The following GRIA3 variants were observed in gnomAD, a reference collection of about 807,000 sequenced individuals.
GRIA3 encodes the protein glutamate ionotropic receptor AMPA type subunit 3, also known as glutamate receptor 3.
Under a neutral mutation model 63.0 loss-of-function variants are expected in GRIA3, and 3 were observed. The ratio of observed to expected loss-of-function variants is 0.05; its 90% CI spans 0.02 to 0.12. The LOEUF is 0.12. GRIA3 is among the 10% of genes least tolerant of loss of function. The probability of loss-of-function intolerance (pLI) is 1.00; values close to 1 mark genes in which losing one functional copy is unlikely to be tolerated. For synonymous variants in GRIA3, 274 were observed against 257.9 expected (o/e 1.06, Z -0.60); for missense variants, 347 against 700.9 (o/e 0.50, Z 5.70).
chrX:123,404,964 C>T, intron 10 of GRIA3, 50 bp downstream of exon 10: 2 of 870,538 alleles, frequency 2.3e-6, no homozygotes, highest in Non-Finnish European at 3.4e-6. Context: ...TTCCAATTAA[C>T]AAAGAAGAGA....
chrX:123,404,520 CAAAAAAA>C lies in GRIA3; in HGVS notation c.1294-176_1294-170del, dbSNP rs374514027. 3.3e-3 allele frequency among the ~76,000 whole-genome samples: 219 copies of C among 65,489 alleles called. 1 individual carries two copies. Among genetic ancestry groups the C allele is most frequent in the African/African-American group, 0.012 (212 of 18,298 alleles). 56.9% of individuals were successfully genotyped at this position (65,489 alleles called of 115,157 possible). On this transcript the variant is annotated intron_variant, in intron 9 of 15. Transcript: ENST00000620443. The stretch of plus-strand genomic sequence containing the variant: ...ATTACCAGTTAAGGACTCCCCCTAC[CAAAAAAA>C]AAAAAAAAAAAGTGACCCAATGAAT...
intron 5 of GRIA3, among the ~76,000 whole-genome samples, chrX:123,387,518 A>C (rs1372093838): frequency 9.0e-6 from 1 of 111,369 alleles, no homozygotes; most frequent in Non-Finnish European, 1.9e-5. Context: ...TCCATTTCTC[A>C]GAGGAAAGGT....
intron 10 of GRIA3, among the ~76,000 whole-genome samples, chrX:123,405,518 G>C (rs1319240508): frequency 2.7e-5 from 3 of 111,393 alleles, no homozygotes; most frequent in Non-Finnish European, 5.7e-5. Flanking sequence ...GGCAAATAAG[G>C]CACTTTATAA....
chrX:123,398,568 TAAGA>T (rs890202811), intron 6 of GRIA3, 64 bp from the exon 7 acceptor site: 1 of 918,228 alleles, frequency 1.1e-6, no homozygotes, highest in African/African-American at 1.9e-5. Flanking sequence ...ATGAAAATTA[TAAGA>T]AACAAGGCAA....
intron 5 of GRIA3, among the ~76,000 whole-genome samples, chrX:123,371,414 T>C (rs1320495649): frequency 1.8e-5 from 2 of 110,485 alleles, no homozygotes; most frequent in Non-Finnish European, 3.8e-5. Context: ...GTGGGATCGC[T>C]GGATCTTATA....
chrX:123,187,181 G>C (rs1484989273), intron 2 of GRIA3, among the ~76,000 whole-genome samples: 1 of 111,724 alleles, frequency 9.0e-6, no homozygotes, highest in East Asian at 2.8e-4. Flanking sequence ...AAATCCTTCT[G>C]CCTCAAAGGA....
At chrX:123,237,528 G>A (rs981042700) in intron 2 of GRIA3, among the ~76,000 whole-genome samples, 2 of 111,916 alleles carry the variant, frequency 1.8e-5, no homozygotes, top group Non-Finnish European at 3.8e-5. Context: ...ACTTACTTGA[G>A]TGTTTTATAA....
At chrX:123,387,755 AC>A (rs1335569319) in intron 5 of GRIA3, among the ~76,000 whole-genome samples, 1 of 112,414 alleles carries the variant, frequency 8.9e-6, no homozygotes, top group African/African-American at 3.2e-5. Context: ...CATATGTTGA[AC>A]CATTCTTGCA....
At chrX:123,360,713 A>AAT (rs1402964282) in intron 5 of GRIA3, among the ~76,000 whole-genome samples, 2 of 103,088 alleles carry the variant, frequency 1.9e-5, no homozygotes, top group Admixed American at 1.1e-4. Flanking sequence ...AAAAAAAAAA[A>AAT]GGACACCTTT....
At chrX:123,344,879 A>G (rs781214604) in intron 4 of GRIA3, among the ~76,000 whole-genome samples, 1 of 111,570 alleles carries the variant, frequency 9.0e-6, no homozygotes, top group Non-Finnish European at 1.9e-5. Flanking sequence ...ATTTATTATC[A>G]GATGGAAAGG....
intron 3 of GRIA3, among the ~76,000 whole-genome samples, chrX:123,267,113 C>T (rs1219198478): frequency 1.8e-5 from 2 of 111,680 alleles, no homozygotes; most frequent in Non-Finnish European, 3.8e-5. Context: ...CCAATAGTGC[C>T]TGGATTATTA....
At position 123,354,448 on chromosome X, in the gene GRIA3, G is replaced by A. The variant is rs186343312; in HGVS notation, c.697-462G>A. Among the ~76,000 whole-genome samples the A allele has an allele frequency of 6.9e-3, 774 of 111,513 alleles. 4 individuals are homozygous for A. Among genetic ancestry groups the A allele is most frequent in the Non-Finnish European group, 0.01 (549 of 53,040 alleles). On this transcript the variant is annotated intron_variant, in intron 4 of 15. Transcript: ENST00000620443. ...TTTTCAATAAGCAAAAGCAACCTCG[G>A]TTAACCTGAAAATCCCATTAACCCC...
In GRIA3 at chrX:123,229,044, G is replaced by T. The variant is rs561976084; in HGVS notation, c.269-24259G>T. Among the ~76,000 whole-genome samples, 10 of 111,627 alleles carry T rather than the reference G, an allele frequency of 9.0e-5. No homozygotes were observed. In the East Asian group the frequency reaches 2.8e-3, roughly 32 times the overall value. ...GGGGTTGAAATGCTAGAAACTCTGTGTTCAACACACCAGATCGTGCCCATC... is the reference window on the plus strand; with the variant it reads ...GGGGTTGAAATGCTAGAAACTCTGTTTTCAACACACCAGATCGTGCCCATC... On this transcript the variant is annotated intron_variant, in intron 2 of 15. Coordinates refer to ENST00000620443, the MANE Select transcript of GRIA3 (RefSeq NM_007325.5).
chrX:123,292,063 A>AC (rs979806559), intron 3 of GRIA3, among the ~76,000 whole-genome samples: 1 of 109,705 alleles, frequency 9.1e-6, no homozygotes, highest in East Asian at 2.9e-4. Context: ...GTCAAGTTTT[A>AC]TTTTTTTTTC....
At chrX:123,184,806 G>A (rs967624637) in intron 1 of GRIA3, 162 bp downstream of exon 1, 19 of 502,108 alleles carry the variant, frequency 3.8e-5, no homozygotes, top group Non-Finnish European at 6.8e-5. Flanking sequence ...GCGGGGCGGG[G>A]GGAATCTGAG....
intron 5 of GRIA3, among the ~76,000 whole-genome samples, chrX:123,362,528 C>A (rs912953845): frequency 5.4e-5 from 6 of 111,029 alleles, no homozygotes; most frequent in African/African-American, 2.0e-4. Flanking sequence ...TTGGGTAGAG[C>A]AGAATGAGTG....
chrX:123,241,289 G>A (rs147517812), intron 2 of GRIA3, among the ~76,000 whole-genome samples: 2,218 of 111,116 alleles, frequency 0.02, 40 homozygotes, highest in African/African-American at 0.065. Context: ...CCATTAGGAC[G>A]TTTTTAAAAA....
Position 123,354,881 on chromosome X carries a change from G to A in GRIA3, c.697-29G>A, listed in dbSNP as rs201671470. 306 of 1,118,154 alleles carry A rather than the reference G, an allele frequency of 2.7e-4. 2 individuals carry two copies. In the Middle Eastern group the frequency reaches 3.9e-3, roughly 14 times the overall value. 92.1% of individuals were successfully genotyped at this position (1,118,154 alleles called of 1,213,427 possible). A position where few individuals can be genotyped will look rare whatever the true frequency, so the allele number is the denominator to read the frequency against. ...AATTGAAAATGTCCTTCTTGAATAA[G>A]CAATATGTCTTATTTCTTCTTTCTG... is the stretch of plus-strand genomic sequence containing the variant. On this transcript the variant is annotated intron_variant, in intron 4 of 15. Coordinates refer to ENST00000620443, the MANE Select transcript of GRIA3 (RefSeq NM_007325.5).
intron 12 of GRIA3, among the ~76,000 whole-genome samples, chrX:123,431,108 C>T (rs1312028882): frequency 9.0e-6 from 1 of 110,993 alleles, no homozygotes; most frequent in Non-Finnish European, 1.9e-5. Flanking sequence ...GAAACAAGAT[C>T]ACATGCAACA....
Sources: allele counts gnomAD v4.1 joint callset (sites outside exome capture counted in the v4.1 genomes callset), GRCh38; gene constraint gnomAD v4.1.1; transcripts MANE v1.5; gene names NCBI Gene and HGNC (gene_info 2026-07-23, HGNC 2026-07-21).